UNC5C: variants seen among roughly 807,000 people sequenced by gnomAD.
The protein encoded by UNC5C is netrin receptor UNC5C.
In UNC5C, 47 loss-of-function variants were observed where a neutral mutation model predicts 99.8. The observed-to-expected ratio is 0.47, with a 90% CI of 0.37 to 0.60. UNC5C has a LOEUF of 0.60. Among genes scored for constraint, UNC5C ranks in the 20% least tolerant of loss-of-function variants. UNC5C has a pLI of 0.00. For synonymous variants in UNC5C, 487 were observed against 452.2 expected (o/e 1.08, Z -0.98); for missense variants, 1,062 against 1,165.9 (o/e 0.91, Z 1.30).
intron 1 of UNC5C, among the ~76,000 whole-genome samples, chr4:95,377,848 A>G (rs970719979): frequency 1.3e-5 from 2 of 152,306 alleles, no homozygotes; most frequent in South Asian, 4.1e-4. Context: ...AATAACTTTT[A>G]AAAGAGTTAG....
At chr4:95,484,426 G>A (rs758333271) in intron 1 of UNC5C, among the ~76,000 whole-genome samples, 24 of 151,692 alleles carry the variant, frequency 1.6e-4, no homozygotes, top group East Asian at 2.0e-4. Flanking sequence ...CTGGGCTCAC[G>A]AGCAGGTATG....
chr4:95,440,856 C>A (rs1333390176), intron 1 of UNC5C, among the ~76,000 whole-genome samples: 1 of 152,158 alleles, frequency 6.6e-6, no homozygotes, highest in Non-Finnish European at 1.5e-5. Context: ...TTACTGCTTA[C>A]ATCACAATTT....
At position 95,308,728 on chromosome 4, in the gene UNC5C, G is replaced by A. The variant is rs182104013; in HGVS notation, c.347-6979C>T. Among the ~76,000 whole-genome samples the A allele has an allele frequency of 2.8e-3, 315 of 114,496 alleles. 1 individual carries two copies. Among genetic ancestry groups the A allele is most frequent in the Non-Finnish European group, 4.1e-3 (255 of 61,500 alleles). The allele number at this position is 114,496 out of a possible 152,430, so 75.1% of individuals were successfully genotyped here. A position where few individuals can be genotyped will look rare whatever the true frequency, so the allele number is the denominator to read the frequency against. On this transcript the variant is annotated intron_variant, in intron 2 of 15. Transcript: ENST00000453304. ...GATTGTGCCACTGCACTCCAGCCTG[G>A]CTGACAGAGTGAGACTCTGTCTCAA... is the stretch of plus-strand genomic sequence containing the variant.
chr4:95,218,513 G>C (rs1738343306), intron 9 of UNC5C, among the ~76,000 whole-genome samples: 3 of 152,172 alleles, frequency 2.0e-5, no homozygotes, highest in African/African-American at 2.4e-5. Context: ...GTTAATAAAT[G>C]AAGATTTGAT....
At chr4:95,433,153 T>A (rs1455894419) in intron 1 of UNC5C, among the ~76,000 whole-genome samples, 1 of 152,164 alleles carries the variant, frequency 6.6e-6, no homozygotes, top group Non-Finnish European at 1.5e-5. Context: ...CATTCTAGTC[T>A]AAGAGATTTG....
intron 2 of UNC5C, among the ~76,000 whole-genome samples, chr4:95,334,408 T>C (rs1473081762): frequency 6.6e-6 from 1 of 151,980 alleles, no homozygotes; most frequent in Non-Finnish European, 1.5e-5. Context: ...TCAATTTTTG[T>C]CATGCTTGAT....
At chr4:95,487,178 C>A (rs915095825) in intron 1 of UNC5C, among the ~76,000 whole-genome samples, 14 of 151,934 alleles carry the variant, frequency 9.2e-5, no homozygotes, top group African/African-American at 2.6e-4. Context: ...AAAACACCAT[C>A]TTTCCCTCTA....
intron 7 of UNC5C, among the ~76,000 whole-genome samples, chr4:95,225,102 G>A (rs958049002): frequency 2.0e-5 from 3 of 152,154 alleles, no homozygotes; most frequent in African/African-American, 7.2e-5. Context: ...TGTCACCCAG[G>A]CTGGAGTGCA....
chr4:95,360,937 G>C (rs1023274716), intron 1 of UNC5C, among the ~76,000 whole-genome samples: 5 of 152,282 alleles, frequency 3.3e-5, no homozygotes, highest in Admixed American at 6.5e-5. Context: ...AGAAAATATA[G>C]GTCTGTGAGT....
At chr4:95,252,776 C>T (rs909278854) in intron 4 of UNC5C, among the ~76,000 whole-genome samples, 3 of 152,188 alleles carry the variant, frequency 2.0e-5, no homozygotes, top group Admixed American at 2.0e-4. Flanking sequence ...AGGTGCGTAA[C>T]ACACAGTTTA....
intron 4 of UNC5C, among the ~76,000 whole-genome samples, chr4:95,265,234 C>G (rs1023532155): frequency 6.6e-6 from 1 of 152,180 alleles, no homozygotes; most frequent in Non-Finnish European, 1.5e-5. Flanking sequence ...TTCTTAAGCT[C>G]TATTCATACT....
chr4:95,216,299 G>A, intron 9 of UNC5C, 88 bp from the exon 10 acceptor site: 5 of 969,042 alleles, frequency 5.2e-6, no homozygotes, highest in Admixed American at 2.4e-5. Context: ...GCAGCCATAA[G>A]CCTGCTTCAT....
At chr4:95,434,924 A>G (rs902156074) in intron 1 of UNC5C, among the ~76,000 whole-genome samples, 8 of 152,078 alleles carry the variant, frequency 5.3e-5, no homozygotes, top group African/African-American at 1.9e-4. Flanking sequence ...AACTTCTCTC[A>G]GAGTACAGCA....
chr4:95,479,236 G>A (rs951763324), intron 1 of UNC5C, among the ~76,000 whole-genome samples: 4 of 151,886 alleles, frequency 2.6e-5, no homozygotes, highest in African/African-American at 7.2e-5. Flanking sequence ...GATTTGTCTT[G>A]ATTTCAAATA....
intron 1 of UNC5C, among the ~76,000 whole-genome samples, chr4:95,409,102 C>G (rs971911347): frequency 6.6e-6 from 1 of 152,158 alleles, no homozygotes; most frequent in Non-Finnish European, 1.5e-5. Context: ...ACTGTCAATG[C>G]TTTATCCTCA....
intron 1 of UNC5C, among the ~76,000 whole-genome samples, chr4:95,434,607 A>C (rs1459458013): frequency 6.6e-6 from 1 of 152,034 alleles, no homozygotes; most frequent in Non-Finnish European, 1.5e-5. Flanking sequence ...TTTTATTGAC[A>C]TGGACTGTGG....
chr4:95,170,575 G>GGTGA (rs1253674895), intron 14 of UNC5C, among the ~76,000 whole-genome samples: 2 of 152,118 alleles, frequency 1.3e-5, no homozygotes, highest in Non-Finnish European at 2.9e-5. Context: ...GTGAGTCTTT[G>GGTGA]GTGAGGACTG....
chr4:95,440,977 A>T (rs1334060172), intron 1 of UNC5C, among the ~76,000 whole-genome samples: 1 of 152,212 alleles, frequency 6.6e-6, no homozygotes, highest in African/African-American at 2.4e-5. Flanking sequence ...ATCTGAAAGG[A>T]CTTCACAAAT....
intron 1 of UNC5C, among the ~76,000 whole-genome samples, chr4:95,388,622 G>A (rs1745275012): frequency 6.6e-6 from 1 of 152,070 alleles, no homozygotes; most frequent in Non-Finnish European, 1.5e-5. Context: ...TGATGCCTGT[G>A]GTTCCACTAG....
Sources: allele counts gnomAD v4.1 joint callset (sites outside exome capture counted in the v4.1 genomes callset), GRCh38; gene constraint gnomAD v4.1.1; transcripts MANE v1.5; gene names NCBI Gene and HGNC (gene_info 2026-07-23, HGNC 2026-07-21).